TACC2: variants seen among roughly 807,000 people sequenced by gnomAD.
TACC2 encodes transforming acidic coiled-coil containing protein 2.
TACC2 carries 137 observed loss-of-function variants against 227.3 expected under a neutral mutation model. That is an observed-to-expected ratio of 0.60 (90% confidence interval 0.52 to 0.69). The LOEUF is 0.69. Ranked by LOEUF, TACC2 falls within the 30% of genes least tolerant of loss-of-function variation. The pLI is 0.00. For missense variants in TACC2, 3,470 were observed against 3,694.4 expected, an observed-to-expected ratio of 0.94 and a Z score of 1.57; for synonymous variants, 1,523 against 1,487.5, an observed-to-expected ratio of 1.02 and a Z score of -0.55.
chr10:122,094,471 G>T (rs113306969), intron 5 of TACC2, among the ~76,000 whole-genome samples: 1 of 152,080 alleles, frequency 6.6e-6, no homozygotes, highest in Non-Finnish European at 1.5e-5. Context: ...TAGAGATGGC[G>T]TCTCACTATG....
chr10:122,224,831 G>T (rs1209106477), intron 12 of TACC2, 44 bp downstream of exon 12: 1 of 1,490,314 alleles, frequency 6.7e-7, no homozygotes, highest in East Asian at 2.3e-5. Flanking sequence ...TCGCTTTCCT[G>T]CCTTCAGGGG....
intron 3 of TACC2, among the ~76,000 whole-genome samples, chr10:122,080,263 C>G (rs1465309965): frequency 6.9e-6 from 1 of 144,586 alleles, no homozygotes; most frequent in Non-Finnish European, 1.5e-5. Context: ...GACAGAGTCT[C>G]ACTCTGTTGC....
chr10:122,216,947 A>T, intron 11 of TACC2, 119 bp downstream of exon 11: 1 of 1,570,014 alleles, frequency 6.4e-7, no homozygotes, highest in South Asian at 1.2e-5. Flanking sequence ...TCATTGTGAG[A>T]TCGTCTGCAC....
rs1380445959 is a variant in TACC2, at chr10:122,087,198, T to G, written c.4698T>G (p.Thr1566=). 6.2e-7 allele frequency: 1 copy of G among 1,612,334 alleles called. No homozygotes were observed. The highest frequency in any genetic ancestry group is 1.7e-5 in the Admixed American group (1 of 59,960). The change falls in exon 4 of 23, where the codon ACT becomes ACG. Residue 1566 remains threonine, a synonymous_variant. Coordinates refer to ENST00000369005, the MANE Select transcript of TACC2 (RefSeq NM_206862.4). ...CAGGTCTTCCTTCACCAGCAGCTAC[T>G]CAGGAGCTCCCTGTGGAGAGAGCTG... The part of the protein sequence containing the change: ...LASGLPSPAA[T]QELPVERAAA...
chr10:122,226,309 C>A (rs1005872204), intron 12 of TACC2, 57 bp from the exon 13 acceptor site: 2 of 1,189,262 alleles, frequency 1.7e-6, no homozygotes, highest in Non-Finnish European at 2.5e-6. Context: ...GTTTTCATCT[C>A]CGTTGCACGT....
At chr10:122,015,310 G>A (rs1956456800) in intron 1 of TACC2, among the ~76,000 whole-genome samples, 2 of 152,100 alleles carry the variant, frequency 1.3e-5, no homozygotes, top group African/African-American at 2.4e-5. Context: ...GTCGAGACCA[G>A]CCTGCCCAAC....
At chr10:122,039,852 G>C (rs1164886709) in intron 2 of TACC2, among the ~76,000 whole-genome samples, 5 of 152,062 alleles carry the variant, frequency 3.3e-5, no homozygotes, top group African/African-American at 1.2e-4. Context: ...TGGTAGCTTT[G>C]GGTTCTGTTC....
chr10:122,145,127 ATAAAGG>A (rs2091198973), intron 7 of TACC2, among the ~76,000 whole-genome samples: 2 of 152,390 alleles, frequency 1.3e-5, no homozygotes, highest in South Asian at 2.1e-4. Flanking sequence ...TCAGTTTCTT[ATAAAGG>A]TAAACATAAA....
chr10:122,250,356 C>T (rs2096229302), intron 22 of TACC2, among the ~76,000 whole-genome samples: 1 of 152,234 alleles, frequency 6.6e-6, no homozygotes, highest in African/African-American at 2.4e-5. Flanking sequence ...CAGTCAATTT[C>T]CTGAGCCTTG....
At chr10:122,155,461 CT>C (rs2092400261) in intron 7 of TACC2, among the ~76,000 whole-genome samples, 1 of 152,196 alleles carries the variant, frequency 6.6e-6, no homozygotes, top group East Asian at 1.9e-4. Context: ...TTTTGTGGTG[CT>C]TACTGAATTT....
intron 7 of TACC2, among the ~76,000 whole-genome samples, chr10:122,188,581 G>A (rs191557416): frequency 2.6e-4 from 40 of 152,254 alleles, no homozygotes; most frequent in African/African-American, 7.7e-4. Context: ...GAGCCACGGT[G>A]CCTGACCATG....
intron 5 of TACC2, among the ~76,000 whole-genome samples, chr10:122,116,700 C>T (rs1035547689): frequency 2.0e-5 from 3 of 152,126 alleles, no homozygotes; most frequent in Non-Finnish European, 2.9e-5. Context: ...ATTAAAAGTA[C>T]TGATTTAGGG....
chr10:122,177,764 G>A (rs2093791991), intron 7 of TACC2, among the ~76,000 whole-genome samples: 1 of 152,052 alleles, frequency 6.6e-6, no homozygotes. Context: ...AGGTGTACAG[G>A]GGCGAAACTT....
At chr10:122,215,663 C>T (rs193243541) in intron 10 of TACC2, among the ~76,000 whole-genome samples, 99 of 152,208 alleles carry the variant, frequency 6.5e-4, no homozygotes, top group African/African-American at 2.4e-3. Context: ...AGTGGGAAGA[C>T]GTTCAGGAAA....
intron 11 of TACC2, among the ~76,000 whole-genome samples, 176 bp from the exon 12 acceptor site, chr10:122,224,550 G>A (rs895567603): frequency 1.3e-5 from 2 of 152,096 alleles, no homozygotes; most frequent in African/African-American, 2.4e-5. Flanking sequence ...GAAAATAGCC[G>A]AACTGAGCCT....
At chr10:122,219,552 T>G (rs1383840431) in intron 11 of TACC2, among the ~76,000 whole-genome samples, 1 of 152,130 alleles carries the variant, frequency 6.6e-6, no homozygotes, top group Non-Finnish European at 1.5e-5. Context: ...GCTCAGCAAT[T>G]TGATCCTGCA....
chr10:122,167,120 C>T (rs1006192902), intron 7 of TACC2, among the ~76,000 whole-genome samples: 9 of 152,202 alleles, frequency 5.9e-5, no homozygotes, highest in African/African-American at 1.9e-4. Flanking sequence ...GAAAACCACC[C>T]AGGGGGCCAT....
chr10:122,237,626 A>G, intron 17 of TACC2, 88 bp downstream of exon 17: 1 of 1,499,448 alleles, frequency 6.7e-7, no homozygotes, highest in South Asian at 1.3e-5. Flanking sequence ...CTTTGGAGAC[A>G]GACTTTGTCC....
At chr10:122,155,145 C>T (rs769601148) in intron 7 of TACC2, among the ~76,000 whole-genome samples, 14 of 152,188 alleles carry the variant, frequency 9.2e-5, no homozygotes, top group African/African-American at 2.4e-4. Context: ...TCTGTGCTTT[C>T]GTCTCGGAAG....
Sources: gnomAD v4.1 joint callset for allele counts (sites outside exome capture counted in the v4.1 genomes callset) on GRCh38, gnomAD v4.1.1 for gene constraint, MANE v1.5 for transcripts, NCBI Gene and HGNC (gene_info 2026-07-23, HGNC 2026-07-21) for gene names.